The following INTU variants were observed in gnomAD, a reference collection of about 807,000 sequenced individuals.
The protein encoded by INTU is protein inturned.
A neutral mutation model predicts 100.5 loss-of-function variants in INTU; 68 were observed. The observed-to-expected ratio is 0.68, with a 90% CI of 0.56 to 0.83. INTU has a LOEUF of 0.83. Ranked by LOEUF, INTU falls within the 40% of genes least tolerant of loss-of-function variation. INTU has a pLI of 0.00. For synonymous variants in INTU, 357 were observed against 395.7 expected (o/e 0.90, Z 1.16); for missense variants, 1,071 against 1,114.7 (o/e 0.96, Z 0.56).
intron 1 of INTU, among the ~76,000 whole-genome samples, chr4:127,635,275 A>G (rs1482232242): frequency 1.3e-5 from 2 of 152,102 alleles, no homozygotes; most frequent in Non-Finnish European, 2.9e-5. Flanking sequence ...TTGCTGCAGT[A>G]TGTCTTAAGT....
At chr4:127,680,556 C>G (rs1388028058) in intron 6 of INTU, among the ~76,000 whole-genome samples, 1 of 106,938 alleles carries the variant, frequency 9.4e-6, no homozygotes, top group Admixed American at 1.0e-4. Context: ...ATTCAACAAC[C>G]CTTCATGCTA....
chr4:127,633,087 G>A lies in INTU; in HGVS notation c.53G>A (p.Gly18Glu), dbSNP rs1560821459. 1.2e-6 allele frequency: 2 copies of A among 1,613,920 alleles called. No homozygotes were observed. The highest frequency in any genetic ancestry group is 1.7e-5 in the Admixed American group (1 of 59,992). The change falls in exon 1 of 16, where the codon GGA becomes GAA. Residue 18 changes from glycine (G) to glutamate (E), a missense_variant. Physicochemically the swap from Gly to Glu is moderately conservative, Grantham distance 98 (BLOSUM62 -2). Transcript: ENST00000335251. Reference protein sequence around the residue: ...DSRPSSDELPGDPSSQEEDED... With the variant: ...DSRPSSDELPEDPSSQEEDED... ...CGTCCGAGCTCAGACGAGCTCCCTGGAGACCCCTCTTCACAAGAAGAAGAT... is the reference window on the plus strand; with the variant it reads ...CGTCCGAGCTCAGACGAGCTCCCTGAAGACCCCTCTTCACAAGAAGAAGAT...
At chr4:127,670,093 T>C (rs939435652) in intron 5 of INTU, among the ~76,000 whole-genome samples, 5 of 152,052 alleles carry the variant, frequency 3.3e-5, no homozygotes, top group Non-Finnish European at 7.4e-5. Context: ...AGCCCTGACA[T>C]TGAAATGCCA....
At chr4:127,681,926 A>G (rs556041356) in intron 6 of INTU, among the ~76,000 whole-genome samples, 1 of 152,280 alleles carries the variant, frequency 6.6e-6, no homozygotes, top group East Asian at 1.9e-4. Context: ...AAACAACCCC[A>G]TCAAAAAGTG....
intron 8 of INTU, among the ~76,000 whole-genome samples, chr4:127,689,794 G>A (rs533835738): frequency 2.0e-5 from 3 of 152,160 alleles, no homozygotes; most frequent in South Asian, 2.1e-4. Flanking sequence ...ATAAGTGTTC[G>A]ATATAGATAG....
In INTU at chr4:127,655,096, A is replaced by G. The variant is rs1021407596; in HGVS notation, c.683-1540A>G. Among the ~76,000 whole-genome samples the G allele has an allele frequency of 5.9e-5, 9 of 151,964 alleles. No homozygotes were observed. In the South Asian group the frequency reaches 8.3e-4, roughly 14 times the overall value. On this transcript the variant is annotated intron_variant, in intron 2 of 15. Transcript: ENST00000335251. ...CATCAACTCCTTTAAGCACTTCTCTATACTGGTTATTCTAGTTATACATTC... is the reference window on the plus strand; with the variant it reads ...CATCAACTCCTTTAAGCACTTCTCTGTACTGGTTATTCTAGTTATACATTC...
chr4:127,688,373 T>C (rs573006583), intron 8 of INTU, among the ~76,000 whole-genome samples: 1 of 152,350 alleles, frequency 6.6e-6, no homozygotes, highest in Admixed American at 6.5e-5. Context: ...TTAAGAATTA[T>C]CAATATGATT....
chr4:127,703,456 A>G (rs1041231603), intron 9 of INTU, among the ~76,000 whole-genome samples: 3 of 152,126 alleles, frequency 2.0e-5, no homozygotes, highest in African/African-American at 7.2e-5. Context: ...ACCTTTTTCC[A>G]TATACATACA....
chr4:127,683,231 A>G (rs186858601), intron 6 of INTU, among the ~76,000 whole-genome samples: 1 of 152,204 alleles, frequency 6.6e-6, no homozygotes, highest in Non-Finnish European at 1.5e-5. Flanking sequence ...ATAAGTTAGA[A>G]TTAATTTGAA....
At chr4:127,645,808 C>T (rs1387374539) in intron 2 of INTU, among the ~76,000 whole-genome samples, 1 of 152,012 alleles carries the variant, frequency 6.6e-6, no homozygotes, top group Non-Finnish European at 1.5e-5. Flanking sequence ...AGGTGATCCA[C>T]CCGCCTCAGC....
intron 12 of INTU, among the ~76,000 whole-genome samples, chr4:127,708,213 CCTA>C (rs765275869): frequency 4.6e-5 from 7 of 152,130 alleles, no homozygotes; most frequent in Non-Finnish European, 7.4e-5. Context: ...TGATTGAATA[CCTA>C]CTAAGTGCCA....
chr4:127,698,158 C>T lies in INTU; in HGVS notation c.1450-1852C>T, dbSNP rs938580415. 9.2e-5 allele frequency among the ~76,000 whole-genome samples: 14 copies of T among 151,672 alleles called. 1 individual carries two copies. Among genetic ancestry groups the T allele is most frequent in the Admixed American group, 8.5e-4 (13 of 15,214 alleles). On this transcript the variant is annotated intron_variant, in intron 8 of 15. Coordinates refer to ENST00000335251, the MANE Select transcript of INTU (RefSeq NM_015693.4). ...AGTTAAAAACGTGTGTGAGGCCGGC[C>T]GCAGTGGCTCACACCTGTAATCCCA...
At chr4:127,637,096 T>C (rs2126171300) in intron 1 of INTU, among the ~76,000 whole-genome samples, 2 of 152,338 alleles carry the variant, frequency 1.3e-5, no homozygotes, top group Middle Eastern at 6.8e-3. Context: ...TCCAGTACTA[T>C]TGACTTCCTT....
intron 3 of INTU, among the ~76,000 whole-genome samples, chr4:127,658,367 G>A (rs1728330056): frequency 6.6e-6 from 1 of 152,170 alleles, no homozygotes; most frequent in Non-Finnish European, 1.5e-5. Flanking sequence ...CAATCAGGGG[G>A]ACATCAGCCA....
intron 8 of INTU, among the ~76,000 whole-genome samples, chr4:127,694,678 T>A (rs1341026160): frequency 6.6e-6 from 1 of 152,182 alleles, no homozygotes; most frequent in African/African-American, 2.4e-5. Flanking sequence ...CACTTAGAGT[T>A]AATTTTTGTG....
At chr4:127,679,895 G>C (rs1729436033) in intron 6 of INTU, among the ~76,000 whole-genome samples, 1 of 152,026 alleles carries the variant, frequency 6.6e-6, no homozygotes, top group African/African-American at 2.4e-5. Context: ...GAATCAAATA[G>C]ACGCAATAAA....
intron 6 of INTU, among the ~76,000 whole-genome samples, chr4:127,674,461 A>G (rs1729080556): frequency 6.6e-6 from 1 of 152,228 alleles, no homozygotes; most frequent in African/African-American, 2.4e-5. Flanking sequence ...TTTGTGGTCA[A>G]TAGAGAGGTG....
chr4:127,663,010 A>G (rs1728539609), intron 3 of INTU, among the ~76,000 whole-genome samples: 1 of 152,158 alleles, frequency 6.6e-6, no homozygotes, highest in Middle Eastern at 3.2e-3. Context: ...TGCTATCGGC[A>G]TTGATATTGT....
At chr4:127,674,035 A>G (rs1578578695) in intron 5 of INTU, 89 bp from the exon 6 acceptor site, 1 of 778,632 alleles carries the variant, frequency 1.3e-6, no homozygotes, top group African/African-American at 1.8e-5. Context: ...TTCTTAAATC[A>G]TACCATATGC....
Sources: gnomAD v4.1 joint callset for allele counts (sites outside exome capture counted in the v4.1 genomes callset) on GRCh38, gnomAD v4.1.1 for gene constraint, MANE v1.5 for transcripts, NCBI Gene and HGNC (gene_info 2026-07-23, HGNC 2026-07-21) for gene names.